Variants in CCNL2 observed in about 807,000 individuals in gnomAD.
CCNL2 encodes cyclin L2.
Under a neutral mutation model 59.1 loss-of-function variants are expected in CCNL2, and 28 were observed. The ratio of observed to expected loss-of-function variants is 0.47; its 90% CI spans 0.35 to 0.65. The LOEUF is 0.65. CCNL2 is among the 30% of genes least tolerant of loss of function. The pLI, the probability that CCNL2 is intolerant of heterozygous loss-of-function variation, is 0.00. For synonymous variants in CCNL2, 342 were observed against 288.6 expected (o/e 1.19, Z -1.88); for missense variants, 714 against 717.4 (o/e 1.00, Z 0.05).
chr1:1,390,108 T>C, intron 8 of CCNL2, 122 bp downstream of exon 8: 1 of 898,906 alleles, frequency 1.1e-6, no homozygotes, highest in South Asian at 1.8e-5. Flanking sequence ...ACAGAGACCC[T>C]GTCTCAAAAA....
intron 4 of CCNL2, among the ~76,000 whole-genome samples, 158 bp from the exon 5 acceptor site, chr1:1,393,618 C>T (rs537000536): frequency 6.6e-6 from 1 of 152,318 alleles, no homozygotes; most frequent in African/African-American, 2.4e-5. Flanking sequence ...GGGAGCTTTG[C>T]GATTGCACCT....
intron 3 of CCNL2, among the ~76,000 whole-genome samples, chr1:1,396,423 C>T (rs1037202793): frequency 9.2e-5 from 14 of 151,430 alleles, no homozygotes; most frequent in African/African-American, 9.7e-5. Context: ...TGCACCACCA[C>T]GACCAGCTAA....
In CCNL2 at chr1:1,387,354, C is replaced by G. The variant is rs372195187; in HGVS notation, c.1440G>C (p.Pro480=). 1 of 1,614,170 alleles carries G rather than the reference C, an allele frequency of 6.2e-7. No individual in the cohort carries two copies. Among genetic ancestry groups the G allele is most frequent in the South Asian group, 1.1e-5 (1 of 91,084 alleles). Residue 480 remains proline, a synonymous_variant, in exon 11 of 11, where the codon CCG becomes CCC. Transcript: ENST00000400809. ...AATGACTTTTCTTCTTGTATTTTCC[C>G]GGATTATCCGCCCGCTCCCGTGACC... ...RSRSRERADN[P]GKYKKKSHYY... is the part of the protein sequence containing the mutation.
chr1:1,394,299 G>A (rs1357587845), intron 4 of CCNL2, among the ~76,000 whole-genome samples: 2 of 152,204 alleles, frequency 1.3e-5, no homozygotes, highest in Non-Finnish European at 2.9e-5. Flanking sequence ...GACACAGAAG[G>A]CACCCACAAC....
rs1461190942 is a variant in CCNL2 at position 1,386,977 on chromosome 1, G to A, written c.*254C>T. On this transcript the variant is annotated 3_prime_UTR_variant, in exon 11 of 11. Transcript: ENST00000400809. ...TTGAGCTGCCCTCAGAGCTGCTGCC[G>A]AGCTGAGCCCTGCACGGGCCCAGGT... 6 of 424,792 alleles carry A rather than the reference G, an allele frequency of 1.4e-5. No individual in the cohort carries two copies. The highest frequency in any genetic ancestry group is 3.9e-5 in the Admixed American group (1 of 25,712). 26.3% of individuals were successfully genotyped at this position (424,792 alleles called of 1,614,324 possible).
At position 1,387,508 on chromosome 1, in the gene CCNL2, G is replaced by A. The variant is rs894402625; in HGVS notation, c.1286C>T (p.Pro429Leu). The A allele has an allele frequency of 2.7e-5, 42 of 1,578,342 alleles. No homozygotes were observed. Among genetic ancestry groups the A allele is most frequent in the Middle Eastern group, 1.7e-4 (1 of 5,818 alleles). Residue 429 changes from proline (P) to leucine (L), a missense_variant, in exon 11 of 11, where the codon CCG becomes CTG. By Grantham distance (98) the Pro-to-Leu change is moderately conservative. Transcript: ENST00000400809. ...GGGAGCGCTGCGGGGGGCCTGTCTC[G>A]GTGGGGAGTCACTCCTGCTCCGGGA... is the stretch of plus-strand genomic sequence containing the variant. Reference protein sequence around the residue: ...SRSRSRSDSPPRQAPRSAPYK... With the variant: ...SRSRSRSDSPLRQAPRSAPYK...
In CCNL2 at chr1:1,398,610, T is replaced by C. The variant is rs1383417358; in HGVS notation, c.350A>G (p.Lys117Arg). The C allele has an allele frequency of 6.2e-7, 1 of 1,613,984 alleles. No individual in the cohort carries two copies. Residue 117 changes from lysine (K) to arginine (R), a missense_variant, in exon 2 of 11, where the codon AAG becomes AGG. Lys to Arg is a conservative substitution (Grantham distance 26). Transcript: ENST00000400809. ...QRFFYTKSFV[K>R]HSMEHVSMAC... ...AGGAAGCCTTACCTCCATGGAGTGC[T>C]TCACGAAGGACTTGGTATAAAAGAA...
At chr1:1,398,981 C>T in intron 1 of CCNL2, 38 bp downstream of exon 1, 6 of 1,555,716 alleles carry the variant, frequency 3.9e-6, no homozygotes, top group South Asian at 1.2e-5. Context: ...GCCGCCCCAG[C>T]GGTTACCTGG....
intron 3 of CCNL2, 69 bp from the exon 4 acceptor site, chr1:1,395,583 A>G: frequency 1.3e-6 from 2 of 1,593,728 alleles, no homozygotes; most frequent in South Asian, 1.1e-5. Flanking sequence ...TCCCGTCGTT[A>G]CCTCCAACTA....
At chr1:1,394,574 AC>A (rs1323967574) in intron 4 of CCNL2, among the ~76,000 whole-genome samples, 1 of 151,312 alleles carries the variant, frequency 6.6e-6, no homozygotes, top group Admixed American at 6.6e-5. Context: ...ACATGACGAA[AC>A]CCCATCTCTA....
chr1:1,395,541 C>T, intron 3 of CCNL2, 27 bp from the exon 4 acceptor site: 1 of 1,613,074 alleles, frequency 6.2e-7, no homozygotes, highest in Non-Finnish European at 8.5e-7. Flanking sequence ...ACAGGGTCTG[C>T]ACCACAGTCA....
chr1:1,396,110 C>T (rs1178920847), intron 3 of CCNL2, among the ~76,000 whole-genome samples: 4 of 142,432 alleles, frequency 2.8e-5, no homozygotes, highest in South Asian at 2.4e-4. Context: ...ACCCAGGAGG[C>T]GGAGGTTTCA....
rs1385948811 is a variant in CCNL2, at chr1:1,398,236, T to C, written c.470A>G (p.Lys157Arg). 6.2e-7 allele frequency: 1 copy of C among 1,614,160 alleles called. No homozygotes were observed. The highest frequency in any genetic ancestry group is 1.1e-5 in the South Asian group (1 of 91,082). Residue 157 changes from lysine to arginine, a missense_variant, in exon 3 of 11, where the codon AAA (lysine) becomes AGA (arginine). Lys to Arg is a conservative substitution (Grantham distance 26). Transcript: ENST00000400809. ...TAGACAGCTCTGACTGACTCACTTT[T>C]TGTCTCTCAGCTGTCGAAGGCGGTG... ...VFHRLRQLRD[K>R]KKPVPLLLDQ...
intron 4 of CCNL2, among the ~76,000 whole-genome samples, chr1:1,393,970 T>C (rs1277884875): frequency 6.6e-6 from 1 of 151,854 alleles, no homozygotes; most frequent in Admixed American, 6.6e-5. Flanking sequence ...CTACTAAAAA[T>C]ACAAAATTAG....
chr1:1,391,555 T>C (rs1644763323), intron 5 of CCNL2: 1 of 1,305,152 alleles, frequency 7.7e-7, no homozygotes, highest in African/African-American at 1.5e-5. Context: ...CGCTGCCAAC[T>C]GTCCCATTTC....
At chr1:1,390,660 C>G in intron 6 of CCNL2, 97 bp from the exon 7 acceptor site, 1 of 1,482,002 alleles carries the variant, frequency 6.7e-7, no homozygotes, top group Non-Finnish European at 9.4e-7. Context: ...CACGAAAATG[C>G]TTTGGCCCAG....
At position 1,399,104 on chromosome 1, in the gene CCNL2, C is replaced by A; in HGVS notation, c.203G>T (p.Gly68Val). The change falls in exon 1 of 11, where the codon GGC becomes GTC. Residue 68 changes from glycine to valine, a missense_variant. Physicochemically the swap from Gly to Val is moderately radical, Grantham distance 109. This residue lies in a region of CCNL2 where 270 missense variants were observed against 254.9 expected (regional missense o/e 1.06). Transcript: ENST00000400809. ...KLRFTPSMSSGLDTDTETDLR... is the reference protein window; with the variant it reads ...KLRFTPSMSSVLDTDTETDLR... ...GTCGGTCTCTGTGTCGGTGTCGAGG[C>A]CGCTCGACATGGACGGCGTGAAACG... The A allele has an allele frequency of 6.2e-7, 1 of 1,611,904 alleles. No homozygotes were observed. Among genetic ancestry groups the A allele is most frequent in the Non-Finnish European group, 8.5e-7 (1 of 1,179,460 alleles).
chr1:1,392,609 A>G, intron 5 of CCNL2: 1 of 1,445,722 alleles, frequency 6.9e-7, no homozygotes, highest in South Asian at 1.5e-5. Flanking sequence ...AGCACGACAG[A>G]GGATTAACAA....
chr1:1,393,870 T>C (rs915843627), intron 4 of CCNL2, among the ~76,000 whole-genome samples: 20 of 152,192 alleles, frequency 1.3e-4, no homozygotes, highest in African/African-American at 4.6e-4. Flanking sequence ...CTCATGCCTA[T>C]AATCCCAGCA....
Sources: gnomAD v4.1 joint callset for allele counts (sites outside exome capture counted in the v4.1 genomes callset) on GRCh38, gnomAD v4.1.1 for gene constraint, gnomAD v4.1.1 regional missense constraint, MANE v1.5 for transcripts, NCBI Gene and HGNC (gene_info 2026-07-23, HGNC 2026-07-21) for gene names.